Variants in FAM171A1 observed in about 807,000 individuals in gnomAD.
FAM171A1 encodes family with sequence similarity 171 member A1, also known as protein FAM171A1.
In FAM171A1, 23 loss-of-function variants were observed where a neutral mutation model predicts 74.9. The observed-to-expected ratio is 0.31, with a 90% CI of 0.22 to 0.44. FAM171A1 has a LOEUF of 0.44. Among genes scored for constraint, FAM171A1 ranks in the 20% least tolerant of loss-of-function variants. The probability of loss-of-function intolerance (pLI) is 1.00; values close to 1 mark genes in which losing one functional copy is unlikely to be tolerated. For synonymous variants in FAM171A1, 527 were observed against 505.7 expected (o/e 1.04, Z -0.57); for missense variants, 1,162 against 1,159.2 (o/e 1.00, Z -0.03).
At chr10:15,364,265 C>G (rs1021769440) in intron 1 of FAM171A1, among the ~76,000 whole-genome samples, 14 of 152,098 alleles carry the variant, frequency 9.2e-5, no homozygotes, top group African/African-American at 2.9e-4. Flanking sequence ...AATCCCAGCT[C>G]TGGAAGGAAC....
In FAM171A1 at chr10:15,284,168, G is replaced by A. The variant is rs940855507; in HGVS notation, c.98-63C>T. ...ATGGGAAACATTCATAGCAACTCTGGTATGACTGTGATGGGAAGTGGAAGG... is the reference window on the plus strand; with the variant it reads ...ATGGGAAACATTCATAGCAACTCTGATATGACTGTGATGGGAAGTGGAAGG... On this transcript the variant is annotated intron_variant, in intron 1 of 7. Coordinates refer to ENST00000378116, the MANE Select transcript of FAM171A1 (RefSeq NM_001010924.2). 16 of 1,435,716 alleles carry A rather than the reference G, an allele frequency of 1.1e-5. No individual in the cohort carries two copies. In the Admixed American group the frequency reaches 1.6e-4, roughly 14 times the overall value. 88.9% of individuals were successfully genotyped at this position (1,435,716 alleles called of 1,614,324 possible). A position where few individuals can be genotyped will look rare whatever the true frequency, so the allele number is the denominator to read the frequency against.
chr10:15,361,874 A>G (rs1308058708), intron 1 of FAM171A1, among the ~76,000 whole-genome samples: 1 of 152,230 alleles, frequency 6.6e-6, no homozygotes, highest in African/African-American at 2.4e-5. Flanking sequence ...AAAAATGTTC[A>G]TCTGACTTGG....
chr10:15,332,333 C>T (rs1835649087), intron 1 of FAM171A1, among the ~76,000 whole-genome samples: 1 of 152,152 alleles, frequency 6.6e-6, no homozygotes, highest in Non-Finnish European at 1.5e-5. Context: ...CCAGTATTTT[C>T]CTTTCTAGAA....
chr10:15,302,238 T>C (rs1835238643), intron 1 of FAM171A1, among the ~76,000 whole-genome samples: 1 of 151,890 alleles, frequency 6.6e-6, no homozygotes, highest in Admixed American at 6.6e-5. Context: ...CCAACGTGGG[T>C]GGATCACCTG....
chr10:15,334,641 G>C (rs1835679592), intron 1 of FAM171A1, among the ~76,000 whole-genome samples: 1 of 152,116 alleles, frequency 6.6e-6, no homozygotes, highest in Non-Finnish European at 1.5e-5. Context: ...ACACATCTGA[G>C]GGACCCTGAG....
At chr10:15,270,820 C>T (rs1834814355) in intron 3 of FAM171A1, among the ~76,000 whole-genome samples, 1 of 152,226 alleles carries the variant, frequency 6.6e-6, no homozygotes, top group Non-Finnish European at 1.5e-5. Flanking sequence ...AGGGTCCTGA[C>T]TGTTAGAAGG....
intron 1 of FAM171A1, among the ~76,000 whole-genome samples, chr10:15,309,486 G>A (rs1177160502): frequency 1.3e-5 from 2 of 152,272 alleles, no homozygotes; most frequent in East Asian, 1.9e-4. Context: ...GATTACAAGC[G>A]TAAGCCACTG....
intron 5 of FAM171A1, among the ~76,000 whole-genome samples, chr10:15,228,768 C>T (rs1310053746): frequency 6.6e-6 from 1 of 152,192 alleles, no homozygotes; most frequent in Non-Finnish European, 1.5e-5. Context: ...TTGACATGAT[C>T]CTAAATGTGA....
At chr10:15,296,368 T>C (rs1835161117) in intron 1 of FAM171A1, among the ~76,000 whole-genome samples, 1 of 152,176 alleles carries the variant, frequency 6.6e-6, no homozygotes, top group Non-Finnish European at 1.5e-5. Flanking sequence ...TCATAATATA[T>C]CATATACTTT....
chr10:15,261,026 A>C (rs931757437), intron 3 of FAM171A1, among the ~76,000 whole-genome samples: 2 of 152,110 alleles, frequency 1.3e-5, no homozygotes, highest in African/African-American at 4.8e-5. Flanking sequence ...TATTCACGGA[A>C]CTCAAGAGAG....
intron 5 of FAM171A1, among the ~76,000 whole-genome samples, chr10:15,225,117 C>T (rs1834087997): frequency 6.6e-6 from 1 of 152,196 alleles, no homozygotes; most frequent in African/African-American, 2.4e-5. Context: ...AGCCTGTGGC[C>T]CTCAGTCTTA....
chr10:15,262,531 C>T (rs919393097), intron 3 of FAM171A1, among the ~76,000 whole-genome samples: 1 of 152,088 alleles, frequency 6.6e-6, no homozygotes, highest in Non-Finnish European at 1.5e-5. Flanking sequence ...GAAGAAGTGG[C>T]CACTAGGTCA....
At chr10:15,357,758 A>G (rs1376698966) in intron 1 of FAM171A1, among the ~76,000 whole-genome samples, 2 of 152,260 alleles carry the variant, frequency 1.3e-5, no homozygotes, top group African/African-American at 4.8e-5. Flanking sequence ...GGATGAATAA[A>G]TGAGCAGGTA....
At chr10:15,340,552 C>T (rs2131869344) in intron 1 of FAM171A1, among the ~76,000 whole-genome samples, 1 of 152,306 alleles carries the variant, frequency 6.6e-6, no homozygotes. Context: ...TAAATCCCCA[C>T]CTCCATGCAG....
At chr10:15,269,769 G>T (rs1353981490) in intron 3 of FAM171A1, among the ~76,000 whole-genome samples, 6 of 152,182 alleles carry the variant, frequency 3.9e-5, no homozygotes, top group Admixed American at 3.9e-4. Flanking sequence ...CACACAGAGT[G>T]GGACAGCCCC....
intron 6 of FAM171A1, among the ~76,000 whole-genome samples, chr10:15,218,845 C>T (rs11259553): frequency 0.042 from 6,379 of 152,038 alleles, 449 homozygotes; most frequent in African/African-American, 0.15. Flanking sequence ...ATCATCCTGC[C>T]TTGCCTCCCA....
intron 1 of FAM171A1, among the ~76,000 whole-genome samples, chr10:15,332,456 G>A (rs2131860881): frequency 6.6e-6 from 1 of 152,304 alleles, no homozygotes; most frequent in Admixed American, 6.5e-5. Context: ...GGCACCAACA[G>A]TATGGGGGCT....
rs948113805 is a variant in FAM171A1 at position 15,220,802 on chromosome 10, T to C, written c.871+142A>G. The stretch of plus-strand genomic sequence containing the variant: ...ACCCCCGCAAAATACCTTCTTTACA[T>C]CATCTCATTTTCAGACTTTTAACCA... On this transcript the variant is annotated intron_variant, in intron 6 of 7. Coordinates refer to ENST00000378116, the MANE Select transcript of FAM171A1 (RefSeq NM_001010924.2). The C allele has an allele frequency of 3.2e-5, 21 of 662,210 alleles. No individual in the cohort carries two copies. In the African/African-American group the frequency reaches 3.6e-4, roughly 11 times the overall value. 41.0% of individuals were successfully genotyped at this position (662,210 alleles called of 1,614,324 possible).
intron 1 of FAM171A1, among the ~76,000 whole-genome samples, chr10:15,289,854 G>A (rs1010238181): frequency 3.3e-5 from 5 of 152,232 alleles, no homozygotes; most frequent in African/African-American, 1.2e-4. Flanking sequence ...TGCATGGGCT[G>A]GTTTTGCATT....
Sources: allele counts gnomAD v4.1 joint callset (sites outside exome capture counted in the v4.1 genomes callset), GRCh38; gene constraint gnomAD v4.1.1; transcripts MANE v1.5; gene names NCBI Gene and HGNC (gene_info 2026-07-23, HGNC 2026-07-21).